The following ROBO2 variants were observed in gnomAD, a reference collection of about 807,000 sequenced individuals.
The protein encoded by ROBO2 is roundabout guidance receptor 2.
In ROBO2, 53 loss-of-function variants were observed where a neutral mutation model predicts 160.8. That is an observed-to-expected ratio of 0.33 (90% CI 0.26 to 0.41). The LOEUF (loss-of-function observed/expected upper bound fraction) is 0.41. Among genes scored for constraint, ROBO2 ranks in the 10% least tolerant of loss-of-function variants. ROBO2 has a pLI of 1.00. For synonymous variants in ROBO2, 664 were observed against 611.7 expected (o/e 1.09, Z -1.26); for missense variants, 1,577 against 1,722.4 (o/e 0.92, Z 1.49).
At chr3:76,750,308 G>A (rs936522906) in intron 2 of ROBO2, among the ~76,000 whole-genome samples, 10 of 151,974 alleles carry the variant, frequency 6.6e-5, no homozygotes, top group Non-Finnish European at 1.2e-4. Flanking sequence ...AAAATAATGA[G>A]AGCTATTTAT....
intron 2 of ROBO2, among the ~76,000 whole-genome samples, chr3:76,234,252 T>C (rs986077346): frequency 7.2e-5 from 11 of 152,212 alleles, no homozygotes; most frequent in Admixed American, 2.0e-4. Flanking sequence ...TTTGCTATCA[T>C]GAATAGTGCA....
At chr3:77,507,775 T>C (rs2088776965) in intron 5 of ROBO2, among the ~76,000 whole-genome samples, 2 of 152,132 alleles carry the variant, frequency 1.3e-5, no homozygotes, top group Admixed American at 1.3e-4. Context: ...TAGGAACAAA[T>C]GTTCTTCTTA....
chr3:76,119,975 T>TTCCTTCCTTCCTTC (rs1271871463), intron 2 of ROBO2, among the ~76,000 whole-genome samples: 5 of 141,556 alleles, frequency 3.5e-5, no homozygotes, highest in Non-Finnish European at 7.7e-5. Context: ...CCTTCCTTCC[T>TTCCTTCCTTCCTTC]CTCTCTTTCT....
chr3:76,157,018 GTATGTGTGTGGA>G (rs1475353680), intron 2 of ROBO2, among the ~76,000 whole-genome samples: 5 of 152,084 alleles, frequency 3.3e-5, no homozygotes, highest in Non-Finnish European at 2.9e-5. Context: ...TGTAATTAAA[GTATGTGTGTGGA>G]TATGTGTGTG....
intron 2 of ROBO2, among the ~76,000 whole-genome samples, chr3:76,921,015 T>C (rs2076622339): frequency 6.6e-6 from 1 of 152,186 alleles, no homozygotes; most frequent in Non-Finnish European, 1.5e-5. Flanking sequence ...ATTCTCTTTG[T>C]TGAGCCAGAG....
rs181170714 is a variant in ROBO2, at chr3:77,058,694, T to C, written c.61+17848T>C. Among the ~76,000 whole-genome samples the C allele has an allele frequency of 5.1e-3, 775 of 151,524 alleles. 4 individuals are homozygous for C. Among genetic ancestry groups the C allele is most frequent in the African/African-American group, 0.018 (734 of 41,314 alleles). Reference sequence around the variant, plus strand: ...ATAGGCCTGCACCACCACACTTGGGTAATTTTTTTTTTTTTGTATTTTTTG... The same window carrying C: ...ATAGGCCTGCACCACCACACTTGGGCAATTTTTTTTTTTTTGTATTTTTTG... On this transcript the variant is annotated intron_variant, in intron 1 of 25. Coordinates refer to ENST00000461745, the Ensembl canonical transcript of ROBO2.
chr3:77,385,604 C>A lies in ROBO2; in HGVS notation c.389-91810C>A, dbSNP rs532182133. On this transcript the variant is annotated intron_variant, in intron 2 of 25. Coordinates refer to ENST00000461745, the Ensembl canonical transcript of ROBO2. ...TCATCCTGATATATCCGAGGAAGTC[C>A]TTCCTCTAGAAATCTTTTACACCTA... Among the ~76,000 whole-genome samples, 8 of 152,222 alleles carry A rather than the reference C, an allele frequency of 5.3e-5. No homozygotes were observed. In the South Asian group the frequency reaches 1.7e-3, roughly 32 times the overall value.
intron 2 of ROBO2, among the ~76,000 whole-genome samples, chr3:76,304,747 C>CTTCTTTTTTTCT (rs2071244270): frequency 9.8e-6 from 1 of 101,626 alleles, no homozygotes; most frequent in African/African-American, 3.3e-5. Flanking sequence ...CTTTTCTTTC[C>CTTCTTTTTTTCT]TTCTTTCTTT....
At position 76,411,218 on chromosome 3, in the gene ROBO2, G is replaced by A. The variant is rs549455080; in HGVS notation, c.109+473616G>A. ...CCGAATGACCAGACAGAACCTTGAC[G>A]TTCAGTTTAATTCAACAAACATATA... is the stretch of plus-strand genomic sequence containing the variant. On this transcript the variant is annotated intron_variant, in intron 2 of 26. Coordinates refer to the ROBO2 transcript ENST00000487694. Among the ~76,000 whole-genome samples, 40 of 152,142 alleles carry A rather than the reference G, an allele frequency of 2.6e-4. No homozygotes were observed. The South Asian group carries it at 7.3e-3, about 28-fold the overall frequency.
chr3:76,688,983 T>A (rs1034251560), intron 2 of ROBO2, among the ~76,000 whole-genome samples: 3 of 152,082 alleles, frequency 2.0e-5, no homozygotes, highest in African/African-American at 7.2e-5. Flanking sequence ...TGGTTTTAAG[T>A]TGATAGGATA....
At chr3:76,735,261 A>G (rs1399769362) in intron 2 of ROBO2, among the ~76,000 whole-genome samples, 6 of 152,202 alleles carry the variant, frequency 3.9e-5, no homozygotes, top group Non-Finnish European at 5.9e-5. Flanking sequence ...AAGCCAAACA[A>G]AAGAATGAAA....
intron 2 of ROBO2, among the ~76,000 whole-genome samples, chr3:76,057,398 G>A (rs1310630684): frequency 6.6e-6 from 1 of 152,106 alleles, no homozygotes; most frequent in Admixed American, 6.5e-5. Context: ...ATCTTCGGAA[G>A]GTTAGAAATA....
At chr3:77,008,287 A>G (rs1247993167) in intron 2 of ROBO2, among the ~76,000 whole-genome samples, 1 of 152,160 alleles carries the variant, frequency 6.6e-6, no homozygotes, top group Non-Finnish European at 1.5e-5. Flanking sequence ...AGACTATATT[A>G]TAGGAAAGAG....
At chr3:76,633,279 C>T (rs2090134305) in intron 2 of ROBO2, among the ~76,000 whole-genome samples, 1 of 152,080 alleles carries the variant, frequency 6.6e-6, no homozygotes, top group Non-Finnish European at 1.5e-5. Context: ...ATTTATTTAT[C>T]TCCCCACCCC....
intron 2 of ROBO2, among the ~76,000 whole-genome samples, chr3:76,970,009 G>GA (rs2059497419): frequency 6.6e-6 from 1 of 152,146 alleles, no homozygotes; most frequent in Non-Finnish European, 1.5e-5. Flanking sequence ...CAAAAGTTCA[G>GA]AATGCAAAGC....
At chr3:76,478,360 A>T (rs1355504623) in intron 2 of ROBO2, among the ~76,000 whole-genome samples, 1 of 151,316 alleles carries the variant, frequency 6.6e-6, no homozygotes, top group African/African-American at 2.4e-5. Flanking sequence ...ACATGAACTC[A>T]TCATTTTTTA....
intron 2 of ROBO2, among the ~76,000 whole-genome samples, chr3:76,054,414 T>A (rs186946380): frequency 2.6e-5 from 4 of 152,314 alleles, no homozygotes; most frequent in African/African-American, 7.2e-5. Context: ...ATAGAGTGAG[T>A]TTAGACAGAA....
intron 2 of ROBO2, among the ~76,000 whole-genome samples, chr3:76,566,066 G>A (rs1451901729): frequency 6.6e-6 from 1 of 152,168 alleles, no homozygotes; most frequent in Non-Finnish European, 1.5e-5. Context: ...AGAACACATA[G>A]CTTCCTTTGT....
At chr3:77,043,853 A>T (rs796329862) in intron 1 of ROBO2, among the ~76,000 whole-genome samples, 3 of 152,266 alleles carry the variant, frequency 2.0e-5, no homozygotes, top group African/African-American at 7.2e-5. Context: ...AACTATTCTT[A>T]AATGAAAGTG....
Sources: allele counts gnomAD v4.1 joint callset (sites outside exome capture counted in the v4.1 genomes callset), GRCh38; gene constraint gnomAD v4.1.1; transcripts MANE v1.5; gene names NCBI Gene and HGNC (gene_info 2026-07-23, HGNC 2026-07-21).